The following CA10 variants were observed in gnomAD, a reference collection of about 807,000 sequenced individuals.
The protein encoded by CA10 is carbonic anhydrase 10 (inactive), also known as carbonic anhydrase-related protein 10.
Under a neutral mutation model 44.2 loss-of-function variants are expected in CA10, and 14 were observed. The ratio of observed to expected loss-of-function variants is 0.32; its 90% CI spans 0.21 to 0.50. The LOEUF is 0.50. Among genes scored for constraint, CA10 ranks in the 20% least tolerant of loss-of-function variants. The pLI, the probability that CA10 is intolerant of heterozygous loss-of-function variation, is 0.99. For synonymous variants in CA10, 159 were observed against 141.6 expected (o/e 1.12, Z -0.87); for missense variants, 350 against 409.7 (o/e 0.85, Z 1.26).
chr17:52,126,038 CA>C (rs991006351), intron 1 of CA10, among the ~76,000 whole-genome samples: 112 of 152,192 alleles, frequency 7.4e-4, no homozygotes, highest in African/African-American at 2.5e-3. Flanking sequence ...CCCCTGCCCT[CA>C]AAAGGTTTTC....
At chr17:52,060,341 T>C (rs1001286009) in intron 2 of CA10, among the ~76,000 whole-genome samples, 1 of 152,056 alleles carries the variant, frequency 6.6e-6, no homozygotes, top group Non-Finnish European at 1.5e-5. Context: ...CTAAATGTAA[T>C]ATGGTATCCT....
intron 2 of CA10, among the ~76,000 whole-genome samples, chr17:51,967,859 T>G (rs1334236235): frequency 2.0e-5 from 3 of 151,328 alleles, no homozygotes; most frequent in South Asian, 2.1e-4. Context: ...AAAAAGAAAA[T>G]AAGGAGATAG....
chr17:52,011,379 C>A (rs538827176), intron 2 of CA10, among the ~76,000 whole-genome samples: 2 of 152,008 alleles, frequency 1.3e-5, no homozygotes, highest in South Asian at 4.2e-4. Flanking sequence ...TGACAGTATG[C>A]TCTGGTGCAA....
chr17:51,807,132 A>T (rs1401154920), intron 3 of CA10, among the ~76,000 whole-genome samples: 1 of 152,214 alleles, frequency 6.6e-6, no homozygotes, highest in Non-Finnish European at 1.5e-5. Flanking sequence ...CTTGGAAAGA[A>T]ATGCCACGTC....
At chr17:51,907,538 G>A (rs1463936135) in intron 3 of CA10, among the ~76,000 whole-genome samples, 1 of 151,744 alleles carries the variant, frequency 6.6e-6, no homozygotes, top group African/African-American at 2.4e-5. Flanking sequence ...ATCCCTCTTC[G>A]AGGCTGAAGG....
At chr17:52,048,722 C>T (rs547173572) in intron 2 of CA10, among the ~76,000 whole-genome samples, 1 of 151,960 alleles carries the variant, frequency 6.6e-6, no homozygotes, top group Non-Finnish European at 1.5e-5. Flanking sequence ...ATGCTGAGGA[C>T]ATACCCAGGG....
rs763461140 is a variant in CA10 at position 51,635,974 on chromosome 17, C to T, written c.670G>A (p.Glu224Lys). The change falls in exon 7 of 9, where the codon GAA (glutamate) becomes AAA (lysine). Residue 224 changes from glutamate (E) to lysine (K), a missense_variant. Glu to Lys is a moderately conservative substitution (Grantham distance 56, BLOSUM62 1). Coordinates refer to ENST00000451037, the MANE Select transcript of CA10 (RefSeq NM_020178.5). ...AYLLQGLNIEELYPETSSFIT... is the reference protein window; with the variant it reads ...AYLLQGLNIEKLYPETSSFIT... Reference sequence around the variant, plus strand: ...AAACTAGAGGTCTCTGGATATAGTTCCTCTATATTAAGCCCCTGTAGTAAA... The same window carrying T: ...AAACTAGAGGTCTCTGGATATAGTTTCTCTATATTAAGCCCCTGTAGTAAA... 1.2e-6 allele frequency: 2 copies of T among 1,603,700 alleles called. No homozygotes were observed. Among genetic ancestry groups the T allele is most frequent in the African/African-American group, 1.3e-5 (1 of 74,772 alleles).
chr17:51,962,596 C>T (rs1983933555), intron 2 of CA10, among the ~76,000 whole-genome samples: 1 of 152,100 alleles, frequency 6.6e-6, no homozygotes, highest in African/African-American at 2.4e-5. Context: ...GCTTGTAAGT[C>T]AAACCACAGA....
chr17:51,759,621 T>A (rs1905166929), intron 3 of CA10, among the ~76,000 whole-genome samples: 1 of 152,022 alleles, frequency 6.6e-6, no homozygotes, highest in African/African-American at 2.4e-5. Flanking sequence ...GATAAGGTTT[T>A]GCTTTGAGCA....
At position 51,831,707 on chromosome 17, in the gene CA10, A is replaced by AGCGGCAGCG. The variant is rs1567854624; in HGVS notation, c.280-83890_280-83889insCGCTGCCGC. Among the ~76,000 whole-genome samples the AGCGGCAGCG allele has an allele frequency of 1.4e-4, 14 of 98,286 alleles. No individual in the cohort carries two copies. The South Asian group carries it at 1.7e-3, about 12-fold the overall frequency. 64.5% of individuals were successfully genotyped at this position (98,286 alleles called of 152,430 possible). ...CAGCAGCAGCAGCAGCAGCAGCAGC[A>AGCGGCAGCG]GCAGCAGCAGCAGCAGCAGCAGCAG... is the stretch of plus-strand genomic sequence containing the variant. On this transcript the variant is annotated intron_variant, in intron 3 of 8. Transcript: ENST00000451037.
chr17:52,069,409 C>T (rs1381679773), intron 2 of CA10, among the ~76,000 whole-genome samples: 2 of 152,146 alleles, frequency 1.3e-5, no homozygotes. Flanking sequence ...ATAGTCAGGG[C>T]TCTGCCTGCA....
At chr17:52,128,619 T>C (rs1989168861) in intron 1 of CA10, among the ~76,000 whole-genome samples, 1 of 152,222 alleles carries the variant, frequency 6.6e-6, no homozygotes, top group South Asian at 2.1e-4. Flanking sequence ...CAGGATCTGA[T>C]GTCTTCATGT....
intron 2 of CA10, among the ~76,000 whole-genome samples, chr17:52,036,068 G>A (rs569712468): frequency 2.6e-5 from 4 of 152,316 alleles, no homozygotes; most frequent in Admixed American, 2.6e-4. Context: ...TTCGGTAGGG[G>A]TGGGGCCTGA....
At chr17:51,784,448 A>G (rs537596549) in intron 3 of CA10, among the ~76,000 whole-genome samples, 1 of 152,314 alleles carries the variant, frequency 6.6e-6, no homozygotes, top group South Asian at 2.1e-4. Context: ...CCTACTATGG[A>G]ACACTAGGAC....
intron 4 of CA10, among the ~76,000 whole-genome samples, chr17:51,673,440 C>T (rs1190736121): frequency 6.6e-6 from 1 of 152,178 alleles, no homozygotes; most frequent in East Asian, 1.9e-4. Flanking sequence ...CTTCCTTCAT[C>T]CCCTCTAACA....
In CA10 at chr17:51,721,625, G is replaced by A. The variant is rs559259264; in HGVS notation, c.465+26008C>T. Among the ~76,000 whole-genome samples the A allele has an allele frequency of 6.6e-5, 10 of 151,912 alleles. No homozygotes were observed. The South Asian group carries it at 1.0e-3, about 16-fold the overall frequency. ...GTTGGGATTACAAGCGTGAGCCACC[G>A]CACCTGGCCAGTTGAAAATAAACTT... is the stretch of plus-strand genomic sequence containing the variant. On this transcript the variant is annotated intron_variant, in intron 4 of 8. Coordinates refer to ENST00000451037, the MANE Select transcript of CA10 (RefSeq NM_020178.5).
chr17:52,089,680 C>G (rs1232337237), intron 1 of CA10, among the ~76,000 whole-genome samples: 3 of 151,652 alleles, frequency 2.0e-5, no homozygotes, highest in Non-Finnish European at 4.4e-5. Flanking sequence ...ACAACAATAG[C>G]TAGTAAACAA....
chr17:51,801,610 A>G (rs1341644611), intron 3 of CA10, among the ~76,000 whole-genome samples: 1 of 152,138 alleles, frequency 6.6e-6, no homozygotes, highest in Non-Finnish European at 1.5e-5. Context: ...CCTTCCTCAG[A>G]AACGAAATCT....
At position 52,028,965 on chromosome 17, in the gene CA10, A is replaced by G. The variant is rs972666320; in HGVS notation, c.136+43354T>C. Among the ~76,000 whole-genome samples the G allele has an allele frequency of 2.6e-5, 4 of 152,328 alleles. No homozygotes were observed. In the South Asian group the frequency reaches 6.2e-4, roughly 24 times the overall value. On this transcript the variant is annotated intron_variant, in intron 2 of 8. Coordinates refer to ENST00000451037, the MANE Select transcript of CA10 (RefSeq NM_020178.5). ...CTGGAGAATGTATTTTTCTGGCATT[A>G]CATTCCCTTTCCAACATTATTCCTG...
Sources: gnomAD v4.1 joint callset for allele counts (sites outside exome capture counted in the v4.1 genomes callset) on GRCh38, gnomAD v4.1.1 for gene constraint, MANE v1.5 for transcripts, NCBI Gene and HGNC (gene_info 2026-07-23, HGNC 2026-07-21) for gene names.